The following HDX variants were observed in gnomAD, a reference collection of about 807,000 sequenced individuals.
The protein encoded by HDX is chromosome X open reading frame 43.
Under a neutral mutation model 45.2 loss-of-function variants are expected in HDX, and 19 were observed. The ratio of observed to expected loss-of-function variants is 0.42; its 90% confidence interval spans 0.29 to 0.62. HDX has a LOEUF of 0.62. HDX is among the 20% of genes least tolerant of loss of function. HDX has a pLI of 0.20. For missense variants in HDX, 532 were observed against 493.9 expected (o/e 1.08, Z -0.73); for synonymous variants, 188 against 172.8 (o/e 1.09, Z -0.69).
intron 5 of HDX, among the ~76,000 whole-genome samples, chrX:84,363,626 G>T (rs188792467): frequency 2.7e-5 from 3 of 112,037 alleles, no homozygotes; most frequent in African/African-American, 6.5e-5. Flanking sequence ...GCATATAGGG[G>T]AAGAGCAGTT....
intron 2 of HDX, among the ~76,000 whole-genome samples, chrX:84,480,469 T>C (rs1301990521): frequency 9.0e-6 from 1 of 111,697 alleles, no homozygotes; most frequent in Non-Finnish European, 1.9e-5. Context: ...AAGTATGATG[T>C]TCGCTACAGG....
intron 5 of HDX, among the ~76,000 whole-genome samples, chrX:84,413,249 G>A (rs769755868): frequency 8.9e-6 from 1 of 112,281 alleles, no homozygotes; most frequent in South Asian, 3.7e-4. Flanking sequence ...GATTTCTTGT[G>A]TTGGTTCTTT....
intron 6 of HDX, among the ~76,000 whole-genome samples, chrX:84,357,846 T>C (rs751228449): frequency 1.8e-5 from 2 of 112,312 alleles, no homozygotes; most frequent in South Asian, 7.4e-4. Context: ...CTTTAGCCAA[T>C]GGGATATAAG....
rs978809664 is a variant in HDX at position 84,390,275 on chromosome X, A to T, written c.1306-28663T>A. ...ATGTGCCTCTAGTTTTAAAGTATAC[A>T]GTTTTAAAAGTTGTAAAATAATCTG... On this transcript the variant is annotated intron_variant, in intron 5 of 10. Transcript: ENST00000373177. 1.1e-4 allele frequency among the ~76,000 whole-genome samples: 12 copies of T among 111,547 alleles called. 1 individual carries two copies. The highest frequency in any genetic ancestry group is 3.6e-4 in the African/African-American group (11 of 30,636).
intron 6 of HDX, among the ~76,000 whole-genome samples, chrX:84,351,711 G>T (rs1270806787): frequency 1.8e-5 from 2 of 111,388 alleles, no homozygotes; most frequent in African/African-American, 6.5e-5. Context: ...ACCATTGTGT[G>T]AGTGTCATTC....
intron 6 of HDX, among the ~76,000 whole-genome samples, chrX:84,355,535 AATG>A (rs751613404): frequency 9.0e-6 from 1 of 111,445 alleles, no homozygotes; most frequent in African/African-American, 3.3e-5. Flanking sequence ...ATACATAAAA[AATG>A]ATGAGTTCAG....
At chrX:84,464,418 TCAAACTACACTA>T (rs1233154769) in intron 4 of HDX, among the ~76,000 whole-genome samples, 1 of 111,251 alleles carries the variant, frequency 9.0e-6, no homozygotes, top group Non-Finnish European at 1.9e-5. Context: ...CTACCTGACT[TCAAACTACACTA>T]CAAGGCTACA....
chrX:84,351,938 G>A (rs1046994444), intron 6 of HDX, among the ~76,000 whole-genome samples: 1 of 111,795 alleles, frequency 8.9e-6, no homozygotes, highest in Admixed American at 9.5e-5. Flanking sequence ...TATATGACTC[G>A]AATTTGTAAC....
At chrX:84,371,291 G>T (rs1010358443) in intron 5 of HDX, among the ~76,000 whole-genome samples, 1 of 111,693 alleles carries the variant, frequency 9.0e-6, no homozygotes, top group African/African-American at 3.3e-5. Flanking sequence ...CCACCTCAGA[G>T]GATTGCTAAA....
chrX:84,365,413 G>A (rs149206844), intron 5 of HDX, among the ~76,000 whole-genome samples: 1,346 of 111,147 alleles, frequency 0.012, 18 homozygotes, highest in African/African-American at 0.042. Context: ...TATACTCACA[G>A]GCTGAGGACA....
At chrX:84,325,462 A>G (rs773107224) in intron 10 of HDX, among the ~76,000 whole-genome samples, 5 of 111,878 alleles carry the variant, frequency 4.5e-5, no homozygotes, top group African/African-American at 1.6e-4. Flanking sequence ...ATTTAATATT[A>G]CATGGTACAT....
chrX:84,452,328 A>G (rs1455568094), intron 4 of HDX, among the ~76,000 whole-genome samples: 4 of 111,446 alleles, frequency 3.6e-5, no homozygotes, highest in Non-Finnish European at 7.5e-5. Flanking sequence ...CAGAAAATCA[A>G]CATATTATAA....
chrX:84,383,367 C>T (rs894691183), intron 5 of HDX, among the ~76,000 whole-genome samples: 31 of 111,508 alleles, frequency 2.8e-4, no homozygotes, highest in African/African-American at 9.4e-4. Flanking sequence ...TTACCTAGTA[C>T]AGAACTTTAT....
chrX:84,448,771 T>C (rs2039931160), intron 4 of HDX, among the ~76,000 whole-genome samples: 2 of 110,992 alleles, frequency 1.8e-5, no homozygotes, highest in Admixed American at 1.9e-4. Context: ...AGGATCACAA[T>C]ATTTATTCAG....
chrX:84,334,286 C>T (rs1388810726), intron 8 of HDX, among the ~76,000 whole-genome samples: 2 of 110,518 alleles, frequency 1.8e-5, no homozygotes, highest in Admixed American at 1.9e-4. Flanking sequence ...CAAAATCAAA[C>T]ACAATTTTTA....
chrX:84,496,868 A>C (rs1807457241), intron 1 of HDX, among the ~76,000 whole-genome samples: 1 of 111,263 alleles, frequency 9.0e-6, no homozygotes, highest in African/African-American at 3.3e-5. Context: ...GATCTCTTCC[A>C]ATTGTTGCTT....
chrX:84,498,000 T>C (rs1011104993), intron 1 of HDX, among the ~76,000 whole-genome samples: 1 of 111,517 alleles, frequency 9.0e-6, no homozygotes, highest in African/African-American at 3.3e-5. Flanking sequence ...TGAAAGAAAC[T>C]GTCCCTAACT....
At chrX:84,381,600 A>G (rs2038188870) in intron 5 of HDX, among the ~76,000 whole-genome samples, 1 of 111,710 alleles carries the variant, frequency 9.0e-6, no homozygotes. Flanking sequence ...TACACTGGGG[A>G]AAAAGACAGT....
At chrX:84,323,861 T>C (rs1294490087) in intron 10 of HDX, among the ~76,000 whole-genome samples, 1 of 112,633 alleles carries the variant, frequency 8.9e-6, no homozygotes, top group Admixed American at 9.4e-5. Context: ...TACGGTCATT[T>C]TTCCCAAGAG....
Sources: gnomAD v4.1 joint callset for allele counts (sites outside exome capture counted in the v4.1 genomes callset) on GRCh38, gnomAD v4.1.1 for gene constraint, MANE v1.5 for transcripts, NCBI Gene and HGNC (gene_info 2026-07-23, HGNC 2026-07-21) for gene names.